The following MAD1L1 variants were observed in gnomAD, a reference collection of about 807,000 sequenced individuals.
MAD1L1 encodes the protein mitotic arrest deficient 1 like 1.
MAD1L1 carries 95 observed loss-of-function variants against 96.9 expected under a neutral mutation model. The observed-to-expected ratio is 0.98, with a 90% CI of 0.83 to 1.16. The LOEUF is 1.16. MAD1L1 is among the 50% of genes most tolerant of loss of function. The pLI is 0.00. For synonymous variants in MAD1L1, 473 were observed against 396.6 expected (o/e 1.19, Z -2.29); for missense variants, 1,007 against 954.4 (o/e 1.06, Z -0.73).
intron 3 of MAD1L1, among the ~76,000 whole-genome samples, chr7:2,228,040 G>A (rs1365701057): frequency 2.6e-5 from 4 of 152,060 alleles, no homozygotes; most frequent in East Asian, 1.9e-4. Context: ...AGAGAACCAC[G>A]ACGAAGTCCA....
chr7:1,948,330 C>G (rs1779328474), intron 16 of MAD1L1, among the ~76,000 whole-genome samples: 1 of 152,156 alleles, frequency 6.6e-6, no homozygotes, highest in Non-Finnish European at 1.5e-5. Context: ...CCCTCCACCC[C>G]CCAGTGACCG....
chr7:2,217,827 G>A, intron 7 of MAD1L1, 135 bp downstream of exon 7: 1 of 741,078 alleles, frequency 1.3e-6, no homozygotes, highest in African/African-American at 1.7e-5. Flanking sequence ...CCAGCACAGT[G>A]CCCAACACAC....
chr7:2,067,149 C>T (rs1296709828), intron 12 of MAD1L1, among the ~76,000 whole-genome samples: 3 of 152,088 alleles, frequency 2.0e-5, no homozygotes, highest in Admixed American at 2.0e-4. Flanking sequence ...GGGTGCCACC[C>T]GAACACAGCA....
chr7:1,868,545 T>C (rs780179875), intron 18 of MAD1L1, among the ~76,000 whole-genome samples: 41 of 135,072 alleles, frequency 3.0e-4, no homozygotes, highest in Non-Finnish European at 3.1e-5. Flanking sequence ...GGAAGGGAGC[T>C]CCTGGAGGTC....
intron 18 of MAD1L1, among the ~76,000 whole-genome samples, chr7:1,883,186 G>A (rs557856878): frequency 1.3e-5 from 2 of 150,876 alleles, no homozygotes; most frequent in Non-Finnish European, 1.5e-5. Context: ...TGTCACAAAC[G>A]ACTCCAGGAA....
intron 12 of MAD1L1, among the ~76,000 whole-genome samples, chr7:2,032,573 C>A (rs1215995333): frequency 1.1e-4 from 16 of 152,220 alleles, no homozygotes; most frequent in Non-Finnish European, 4.4e-5. Context: ...GCTGGCCTTG[C>A]CTTCGTCTCC....
chr7:2,203,493 G>A (rs1268688894), intron 10 of MAD1L1, among the ~76,000 whole-genome samples: 3 of 152,150 alleles, frequency 2.0e-5, no homozygotes, highest in Non-Finnish European at 4.4e-5. Flanking sequence ...CATCTCTTTT[G>A]AACTAAAAAT....
At position 1,828,390 on chromosome 7, in the gene MAD1L1, C is replaced by T. The variant is rs536438360; in HGVS notation, c.1999-12162G>A. On this transcript the variant is annotated intron_variant, in intron 18 of 18. Coordinates refer to ENST00000265854, the MANE Select transcript of MAD1L1 (RefSeq NM_001013836.2). The stretch of plus-strand genomic sequence containing the variant: ...GAGTGCCACAGAGGAGGGCTGAGTT[C>T]GCTGGAGTGCTCAGTGAGAGGCTGA... Among the ~76,000 whole-genome samples, 122 of 152,244 alleles carry T rather than the reference C, an allele frequency of 8.0e-4. 1 individual carries two copies. The highest frequency in any genetic ancestry group is 3.4e-3 in the Middle Eastern group (1 of 294).
At chr7:1,961,947 C>T (rs1411901069) in intron 15 of MAD1L1, among the ~76,000 whole-genome samples, 4 of 146,386 alleles carry the variant, frequency 2.7e-5, no homozygotes, top group Admixed American at 6.8e-5. Context: ...GTGGCAGGGA[C>T]GTGGTGGGAG....
At chr7:2,118,423 G>A (rs1461614479) in intron 11 of MAD1L1, among the ~76,000 whole-genome samples, 1 of 152,262 alleles carries the variant, frequency 6.6e-6, no homozygotes, top group African/African-American at 2.4e-5. Context: ...CAGGAGGTCA[G>A]CCCTGAGTGG....
In MAD1L1 at chr7:1,953,885, C is replaced by CA. The variant is rs1779611190; in HGVS notation, c.1596+3743dup. On this transcript the variant is annotated intron_variant, in intron 16 of 18. Coordinates refer to ENST00000265854, the MANE Select transcript of MAD1L1 (RefSeq NM_001013836.2). ...GCCCAGGCTGCACACTTCACACACA[C>CA]AAGCTGGAGGCTCCTGGGTGGGACT... Among the ~76,000 whole-genome samples, 2 of 152,254 alleles carry CA rather than the reference C, an allele frequency of 1.3e-5. 1 individual carries two copies. Among genetic ancestry groups the CA allele is most frequent in the South Asian group, 4.1e-4 (2 of 4,832 alleles).
chr7:2,150,972 G>A (rs1270586828), intron 10 of MAD1L1, among the ~76,000 whole-genome samples: 3 of 152,212 alleles, frequency 2.0e-5, no homozygotes, highest in Admixed American at 6.5e-5. Context: ...AAGCAGCTCC[G>A]TGGAAAAACC....
intron 17 of MAD1L1, among the ~76,000 whole-genome samples, chr7:1,917,660 C>T (rs895871568): frequency 1.3e-5 from 2 of 152,198 alleles, no homozygotes; most frequent in Admixed American, 6.5e-5. Context: ...AAGGGTGTCG[C>T]GGCGACGGAG....
chr7:2,104,543 G>A (rs1346733883), intron 11 of MAD1L1, among the ~76,000 whole-genome samples: 3 of 152,224 alleles, frequency 2.0e-5, no homozygotes, highest in African/African-American at 7.2e-5. Context: ...CAAATGAGAA[G>A]GAATGAAATG....
chr7:2,187,019 C>G lies in MAD1L1; in HGVS notation c.986+26193G>C, dbSNP rs1375574198. ...TGTTGGCCAGGCTGATCTTGAACTC[C>G]CAACCTCAGGTGATCTGCCCACCTT... On this transcript the variant is annotated intron_variant, in intron 10 of 18. Transcript: ENST00000265854. 7.6e-4 allele frequency among the ~76,000 whole-genome samples: 115 copies of G among 152,106 alleles called. 1 individual carries two copies. The highest frequency in any genetic ancestry group is 1.5e-5 in the Non-Finnish European group (1 of 67,974).
At chr7:1,935,696 A>G (rs539158719) in intron 17 of MAD1L1, among the ~76,000 whole-genome samples, 16 of 152,374 alleles carry the variant, frequency 1.1e-4, no homozygotes, top group Non-Finnish European at 1.5e-4. Flanking sequence ...GCTCTCCCAC[A>G]GTACAGGGCG....
intron 11 of MAD1L1, among the ~76,000 whole-genome samples, chr7:2,110,160 T>C (rs1480000351): frequency 6.6e-6 from 1 of 152,230 alleles, no homozygotes; most frequent in Non-Finnish European, 1.5e-5. Flanking sequence ...ATGACACAGA[T>C]GTCCAGATGG....
At chr7:2,098,480 C>T (rs1319283556) in intron 11 of MAD1L1, among the ~76,000 whole-genome samples, 1 of 152,192 alleles carries the variant, frequency 6.6e-6, no homozygotes, top group African/African-American at 2.4e-5. Context: ...TCCCCTGCTG[C>T]CTGGGGTCCC....
chr7:2,230,271 T>C, intron 2 of MAD1L1, 128 bp from the exon 3 acceptor site: 10 of 622,154 alleles, frequency 1.6e-5, no homozygotes, highest in East Asian at 2.8e-5. Flanking sequence ...CACCCATGCC[T>C]GTAACCACAT....
Sources: gnomAD v4.1 joint callset for allele counts (sites outside exome capture counted in the v4.1 genomes callset) on GRCh38, gnomAD v4.1.1 for gene constraint, MANE v1.5 for transcripts, NCBI Gene and HGNC (gene_info 2026-07-23, HGNC 2026-07-21) for gene names.